CHP1: variants seen among roughly 807,000 people sequenced by gnomAD.
CHP1 encodes the protein calcineurin like EF-hand protein 1.
CHP1 carries 11 observed loss-of-function variants against 27.4 expected under a neutral mutation model. That is an observed-to-expected ratio of 0.40 (90% CI 0.25 to 0.67). The LOEUF is 0.67. Ranked by LOEUF, CHP1 falls within the 30% of genes least tolerant of loss-of-function variation. The probability of loss-of-function intolerance (pLI) is 0.38; values close to 1 mark genes in which losing one functional copy is unlikely to be tolerated. For synonymous variants in CHP1, 89 were observed against 87.4 expected (o/e 1.02, Z -0.10); for missense variants, 169 against 251.3 (o/e 0.67, Z 2.22).
intron 1 of CHP1, among the ~76,000 whole-genome samples, chr15:41,233,793 T>C (rs1261856955): frequency 6.6e-6 from 1 of 152,120 alleles, no homozygotes; most frequent in African/African-American, 2.4e-5. Context: ...TGGGCCTTGA[T>C]ACATGGGTGG....
rs140185322 is a variant in CHP1 at position 41,263,294 on chromosome 15, A to G, written c.349+411A>G. ...GTTAAGTGCTAGCATGGCAATAGTG[A>G]ACAAGACCCAGGCCCCACCTTTAAG... On this transcript the variant is annotated intron_variant, in intron 4 of 6. Coordinates refer to ENST00000334660, the MANE Select transcript of CHP1 (RefSeq NM_007236.5). Among the ~76,000 whole-genome samples the G allele has an allele frequency of 1.2e-4, 19 of 152,330 alleles. No individual in the cohort carries two copies. In the East Asian group the frequency reaches 3.7e-3, roughly 29 times the overall value.
chr15:41,276,392 A>G (rs1487001402), intron 5 of CHP1, among the ~76,000 whole-genome samples: 1 of 152,176 alleles, frequency 6.6e-6, no homozygotes, highest in African/African-American at 2.4e-5. Context: ...GCTGACTGCA[A>G]TAATAATATA....
intron 5 of CHP1, among the ~76,000 whole-genome samples, chr15:41,272,960 G>A (rs1254111745): frequency 6.6e-6 from 1 of 152,030 alleles, no homozygotes; most frequent in Non-Finnish European, 1.5e-5. Flanking sequence ...GGGAGGCTGA[G>A]GCAGGAGAAT....
chr15:41,260,806 G>A (rs2047428968), intron 3 of CHP1, among the ~76,000 whole-genome samples: 1 of 151,966 alleles, frequency 6.6e-6, no homozygotes, highest in East Asian at 1.9e-4. Context: ...ATATTGATTG[G>A]AGAAATGCTT....
chr15:41,272,666 C>T (rs1445912437), intron 5 of CHP1, among the ~76,000 whole-genome samples: 4 of 152,108 alleles, frequency 2.6e-5, no homozygotes, highest in African/African-American at 9.7e-5. Flanking sequence ...AGCAGTTCGC[C>T]CACTTCAGCC....
At chr15:41,268,550 C>T (rs1265236627) in intron 4 of CHP1, among the ~76,000 whole-genome samples, 1 of 151,234 alleles carries the variant, frequency 6.6e-6, no homozygotes, top group Non-Finnish European at 1.5e-5. Context: ...GAGTCTGAGG[C>T]AGAATTGCTT....
At position 41,231,464 on chromosome 15, in the gene CHP1, G is replaced by C. The variant is rs764663720; in HGVS notation, c.67+15G>C. On this transcript the variant is annotated intron_variant, in intron 1 of 6. Transcript: ENST00000334660. ...GGAGACCGGCTGTGAGTTCGGGTTG[G>C]GGGTGGGAACGCCGGGCGCCTCAGG... 94 of 1,595,438 alleles carry C rather than the reference G, an allele frequency of 5.9e-5. No homozygotes were observed. The highest frequency in any genetic ancestry group is 7.4e-5 in the Non-Finnish European group (87 of 1,172,572).
At chr15:41,240,519 C>T (rs1442591740) in intron 1 of CHP1, among the ~76,000 whole-genome samples, 2 of 151,974 alleles carry the variant, frequency 1.3e-5, no homozygotes, top group South Asian at 2.1e-4. Flanking sequence ...TTTGGGAGGC[C>T]GAGGTGAGTG....
At chr15:41,247,602 G>A (rs746336268) in intron 2 of CHP1, among the ~76,000 whole-genome samples, 10 of 152,154 alleles carry the variant, frequency 6.6e-5, no homozygotes, top group Non-Finnish European at 1.0e-4. Context: ...AACCCGGGAG[G>A]TGGAGGTTGC....
At chr15:41,270,478 A>C in intron 4 of CHP1, 79 bp from the exon 5 acceptor site, 2 of 1,030,804 alleles carry the variant, frequency 1.9e-6, no homozygotes, top group Non-Finnish European at 3.0e-6. Flanking sequence ...TTTTCTGTCT[A>C]GTGTCTTATA....
At chr15:41,237,354 G>A (rs2047282709) in intron 1 of CHP1, among the ~76,000 whole-genome samples, 1 of 151,820 alleles carries the variant, frequency 6.6e-6, no homozygotes, top group African/African-American at 2.4e-5. Flanking sequence ...TACCATGTTG[G>A]CCAGGCTGGT....
At chr15:41,244,536 G>A (rs1170672787) in intron 2 of CHP1, among the ~76,000 whole-genome samples, 1 of 152,120 alleles carries the variant, frequency 6.6e-6, no homozygotes, top group African/African-American at 2.4e-5. Context: ...GGGCCATTTT[G>A]CCACCTGGGG....
intron 2 of CHP1, among the ~76,000 whole-genome samples, chr15:41,246,587 G>C (rs1174208362): frequency 1.3e-5 from 2 of 148,520 alleles, no homozygotes; most frequent in African/African-American, 2.5e-5. Context: ...CAAAGTGCTG[G>C]GATTAAAGGT....
intron 2 of CHP1, 120 bp from the exon 3 acceptor site, chr15:41,256,790 C>A: frequency 2.6e-6 from 2 of 781,934 alleles, no homozygotes; most frequent in East Asian, 2.6e-5. Context: ...TATAATTTGC[C>A]ACAGAAGTAA....
At chr15:41,232,749 T>C (rs2047258461) in intron 1 of CHP1, among the ~76,000 whole-genome samples, 1 of 152,190 alleles carries the variant, frequency 6.6e-6, no homozygotes, top group Non-Finnish European at 1.5e-5. Flanking sequence ...TTCATCATAC[T>C]TGTCTTTGAT....
chr15:41,270,516 C>T (rs2047483310), intron 4 of CHP1, 41 bp from the exon 5 acceptor site: 2 of 1,486,076 alleles, frequency 1.3e-6, no homozygotes, highest in Non-Finnish European at 1.9e-6. Flanking sequence ...AGGGGCAACA[C>T]ACTACAGAAT....
At chr15:41,274,539 C>G (rs1384867852) in intron 5 of CHP1, among the ~76,000 whole-genome samples, 1 of 152,088 alleles carries the variant, frequency 6.6e-6, no homozygotes, top group East Asian at 1.9e-4. Flanking sequence ...GTAGCTGGGA[C>G]TACATGCATG....
intron 5 of CHP1, among the ~76,000 whole-genome samples, chr15:41,277,921 A>C (rs1470896713): frequency 3.3e-5 from 5 of 151,914 alleles, no homozygotes; most frequent in Admixed American, 6.6e-5. Flanking sequence ...GCAACCCAGC[A>C]CTCCAGCTTG....
At chr15:41,272,588 T>C (rs2047495722) in intron 5 of CHP1, among the ~76,000 whole-genome samples, 1 of 150,996 alleles carries the variant, frequency 6.6e-6, no homozygotes, top group South Asian at 2.1e-4. Flanking sequence ...ACCCAGCTAA[T>C]TTTTGTGTTT....
Sources: allele counts gnomAD v4.1 joint callset (sites outside exome capture counted in the v4.1 genomes callset), GRCh38; gene constraint gnomAD v4.1.1; transcripts MANE v1.5; gene names NCBI Gene and HGNC (gene_info 2026-07-23, HGNC 2026-07-21).